Variants in CUX2 observed in about 807,000 individuals in gnomAD.
CUX2 encodes homeobox protein cut-like 2.
A neutral mutation model predicts 144.8 loss-of-function variants in CUX2; 40 were observed. The ratio of observed to expected loss-of-function variants is 0.28; its 90% CI spans 0.21 to 0.36. CUX2 has a LOEUF of 0.36. CUX2 is among the 10% of genes least tolerant of loss of function. The probability of loss-of-function intolerance (pLI) is 1.00; values close to 1 mark genes in which losing one functional copy is unlikely to be tolerated. For synonymous variants in CUX2, 827 were observed against 875.6 expected, an observed-to-expected ratio of 0.94 and a Z score of 0.98; for missense variants, 1,615 against 1,994.0, an observed-to-expected ratio of 0.81 and a Z score of 3.62.
chr12:111,204,231 C>CTT (rs1301325325), intron 1 of CUX2, among the ~76,000 whole-genome samples: 2 of 152,230 alleles, frequency 1.3e-5, no homozygotes, highest in African/African-American at 4.8e-5. Flanking sequence ...AATGCTGGCT[C>CTT]TTGGCCTGCC....
intron 1 of CUX2, among the ~76,000 whole-genome samples, chr12:111,110,635 C>T (rs1294327259): frequency 6.6e-6 from 1 of 152,218 alleles, no homozygotes; most frequent in East Asian, 1.9e-4. Context: ...AATGCTGTCA[C>T]TATTTATTAA....
At chr12:111,167,568 T>G (rs979401048) in intron 1 of CUX2, among the ~76,000 whole-genome samples, 1 of 152,252 alleles carries the variant, frequency 6.6e-6, no homozygotes, top group Admixed American at 6.5e-5. Flanking sequence ...TGCTGCATCT[T>G]AAGGCAGATT....
chr12:111,235,196 G>A (rs1882678103), intron 3 of CUX2, among the ~76,000 whole-genome samples: 1 of 152,210 alleles, frequency 6.6e-6, no homozygotes, highest in Non-Finnish European at 1.5e-5. Flanking sequence ...GCAGTGCTGG[G>A]AGGCGGGGCT....
At chr12:111,050,108 G>C (rs1489821354) in intron 1 of CUX2, among the ~76,000 whole-genome samples, 1 of 152,040 alleles carries the variant, frequency 6.6e-6, no homozygotes, top group East Asian at 1.9e-4. Flanking sequence ...AGAGCATCTG[G>C]CTCACACTGT....
At chr12:111,341,673 C>A in intron 20 of CUX2, 107 bp from the exon 21 acceptor site, 1 of 1,339,822 alleles carries the variant, frequency 7.5e-7, no homozygotes, top group Non-Finnish European at 1.0e-6. Flanking sequence ...GCATGATGGC[C>A]TCCGAGTGGG....
At chr12:111,226,519 T>C (rs576578090) in intron 3 of CUX2, among the ~76,000 whole-genome samples, 1 of 152,322 alleles carries the variant, frequency 6.6e-6, no homozygotes, top group African/African-American at 2.4e-5. Context: ...TTAATGCTTT[T>C]TTCCCCCCAG....
In CUX2 at chr12:111,320,489, GGGACGAGGCCCCTGTGCCCCCCGA is replaced by G. The variant is rs1565917631; in HGVS notation, c.2490_2513del (p.Pro831_Ala838del). 2 of 1,587,976 alleles carry G rather than the reference GGGACGAGGCCCCTGTGCCCCCCGA, an allele frequency of 1.3e-6. No homozygotes were observed. Among genetic ancestry groups the G allele is most frequent in the Admixed American group, 1.7e-5 (1 of 59,520 alleles). On this transcript the variant is annotated inframe_deletion, in exon 17 of 22. Transcript: ENST00000261726. The surrounding 1 kb of genome is among the most constrained non-coding windows in gnomAD (Gnocchi z 8.1). ...CCCAACGGCCGCGCCTGGCCCCGCGGGGACGAGGCCCCTGTGCCCCCCGAGGACGAGGCGGCGGCAGGGGCGGAG... is the reference window on the plus strand; with the variant it reads ...CCCAACGGCCGCGCCTGGCCCCGCGGGGACGAGGCGGCGGCAGGGGCGGAG...
intron 1 of CUX2, among the ~76,000 whole-genome samples, chr12:111,123,475 C>T (rs893599372): frequency 3.6e-4 from 54 of 151,938 alleles, no homozygotes; most frequent in Admixed American, 1.7e-3. Flanking sequence ...TGAGCCACCA[C>T]GCCCAGCCAT....
intron 3 of CUX2, among the ~76,000 whole-genome samples, chr12:111,258,804 G>T (rs906641793): frequency 6.6e-6 from 1 of 152,108 alleles, no homozygotes; most frequent in Non-Finnish European, 1.5e-5. Context: ...TCCTACTTCA[G>T]CCTCCTGAGT....
rs1364584717 is a variant in CUX2 at position 111,293,479 on chromosome 12, C to T, written c.470C>T (p.Thr157Met). Reference sequence around the variant, plus strand: ...GAGGGGACGTCGCCTGCCGGGCCCACGCTGACCGAGGGAAGCCGCCTCCCA... The same window carrying T: ...GAGGGGACGTCGCCTGCCGGGCCCATGCTGACCGAGGGAAGCCGCCTCCCA... ...QREGTSPAGP[T>M]LTEGSRLPGI... Residue 157 changes from threonine to methionine, a missense_variant, in exon 6 of 22, where the codon ACG becomes ATG. By Grantham distance (81) the Thr-to-Met change is moderately conservative. Around this residue, in one of 12 missense-constraint regions of CUX2, gnomAD observed 295 missense variants for 400.2 expected, o/e 0.74. Transcript: ENST00000261726. The surrounding 1 kb of genome is among the most constrained non-coding windows in gnomAD (Gnocchi z 4.5). The T allele has an allele frequency of 2.5e-6, 4 of 1,608,698 alleles. No homozygotes were observed. The highest frequency in any genetic ancestry group is 2.5e-6 in the Non-Finnish European group (3 of 1,178,662).
intron 3 of CUX2, among the ~76,000 whole-genome samples, chr12:111,259,031 C>CTATGTGTG (rs1351800495): frequency 5.7e-4 from 76 of 132,310 alleles, no homozygotes; most frequent in African/African-American, 2.1e-3. Flanking sequence ...CCACACCCAG[C>CTATGTGTG]TGTGTGTGTG....
chr12:111,334,809 C>A, intron 19 of CUX2, 99 bp downstream of exon 19: 1 of 1,334,534 alleles, frequency 7.5e-7, no homozygotes, highest in Non-Finnish European at 1.0e-6. Flanking sequence ...TGGCTCATAC[C>A]TGTAATTCCA....
At chr12:111,308,213 G>C in intron 12 of CUX2, 72 bp from the exon 13 acceptor site, 1 of 1,561,660 alleles carries the variant, frequency 6.4e-7, no homozygotes, top group Non-Finnish European at 8.8e-7. Flanking sequence ...AGCCGGGTCA[G>C]TGCCTCTTGA....
intron 3 of CUX2, among the ~76,000 whole-genome samples, chr12:111,250,445 G>A (rs924523843): frequency 2.6e-5 from 4 of 152,162 alleles, no homozygotes; most frequent in African/African-American, 7.2e-5. Flanking sequence ...CCCTGGGAGC[G>A]TTTGGAGGCT....
rs531188585 is a variant in CUX2, at chr12:111,171,695, G to A, written c.64-42505G>A. Among the ~76,000 whole-genome samples, 4 of 152,212 alleles carry A rather than the reference G, an allele frequency of 2.6e-5. No homozygotes were observed. Among genetic ancestry groups the A allele is most frequent in the Non-Finnish European group, 5.9e-5 (4 of 68,036 alleles). On this transcript the variant is annotated intron_variant, in intron 1 of 21. Transcript: ENST00000261726. This position sits in a 1 kb window ranked among gnomAD's most constrained non-coding sequence, Gnocchi z 5.0. ...AGGGGTTTGCAGGCCATAATTAGGGGCTCAGTGTCACCTTTGTCCAGTGCC... is the reference window on the plus strand; with the variant it reads ...AGGGGTTTGCAGGCCATAATTAGGGACTCAGTGTCACCTTTGTCCAGTGCC...
intron 1 of CUX2, among the ~76,000 whole-genome samples, chr12:111,148,490 G>A (rs1876839452): frequency 6.6e-6 from 1 of 152,172 alleles, no homozygotes; most frequent in African/African-American, 2.4e-5. Flanking sequence ...TAATGCCACA[G>A]AACTGTACAT....
chr12:111,110,872 G>A (rs1302488558), intron 1 of CUX2, among the ~76,000 whole-genome samples: 1 of 152,210 alleles, frequency 6.6e-6, no homozygotes, highest in African/African-American at 2.4e-5. Flanking sequence ...AGGACTGAGT[G>A]TTTCATCCCC....
At chr12:111,278,625 G>A (rs1357356918) in intron 4 of CUX2, among the ~76,000 whole-genome samples, 1 of 152,174 alleles carries the variant, frequency 6.6e-6, no homozygotes, top group Non-Finnish European at 1.5e-5. Context: ...TATGTGAAGA[G>A]CCAGAGCAGG....
chr12:111,291,509 C>T lies in CUX2; in HGVS notation c.393C>T (p.Leu131=). The change falls in exon 5 of 22, where the codon CTC becomes CTT. Residue 131 remains leucine (L), a synonymous_variant. Transcript: ENST00000261726. ...FDPSGQPRRD[L]HTSWKRNPEL... ...CCAGTGGGCAGCCCCGGCGAGACCT[C>T]CACACTTCGTGGAAGAGGAACCCCG... The T allele has an allele frequency of 6.2e-7, 1 of 1,610,456 alleles. No homozygotes were observed. The highest frequency in any genetic ancestry group is 2.2e-5 in the East Asian group (1 of 44,712).
Sources: allele counts gnomAD v4.1 joint callset (sites outside exome capture counted in the v4.1 genomes callset), GRCh38; gene constraint gnomAD v4.1.1; regional missense constraint gnomAD v4.1.1; non-coding constraint Gnocchi (gnomAD v3.1); transcripts MANE v1.5; gene names NCBI Gene and HGNC (gene_info 2026-07-23, HGNC 2026-07-21).